The following TP53BP1 variants were observed in gnomAD, a reference collection of about 807,000 sequenced individuals.
TP53BP1 encodes tumor protein p53 binding protein 1.
In TP53BP1, 61 loss-of-function variants were observed where a neutral mutation model predicts 200.8. The observed-to-expected ratio is 0.30, with a 90% CI of 0.25 to 0.38. TP53BP1 has a LOEUF of 0.38. TP53BP1 is among the 10% of genes least tolerant of loss of function. The pLI, the probability that TP53BP1 is intolerant of heterozygous loss-of-function variation, is 1.00. For synonymous variants in TP53BP1, 822 were observed against 844.3 expected (o/e 0.97, Z 0.46); for missense variants, 2,144 against 2,371.9 (o/e 0.90, Z 2.00).
rs1412434738 is a variant in TP53BP1 at position 43,457,228 on chromosome 15, A to G, written c.1390-10T>C. 6.4e-7 allele frequency: 1 copy of G among 1,573,034 alleles called. No homozygotes were observed. Among genetic ancestry groups the G allele is most frequent in the Non-Finnish European group, 8.6e-7 (1 of 1,162,712 alleles). On this transcript the variant is annotated splice_polypyrimidine_tract_variant and intron_variant, in intron 11 of 27. Transcript: ENST00000382044. Reference sequence around the variant, plus strand: ...AAGGAATAAAAATGTCCTAAGGAAGAACAGAAAGAGACAAATTGTAATTTG... The same window carrying G: ...AAGGAATAAAAATGTCCTAAGGAAGGACAGAAAGAGACAAATTGTAATTTG...
chr15:43,473,342 T>C (rs1450567547), intron 10 of TP53BP1, among the ~76,000 whole-genome samples: 1 of 152,174 alleles, frequency 6.6e-6, no homozygotes, highest in Non-Finnish European at 1.5e-5. Flanking sequence ...GAGCCAGTGG[T>C]CTGTGCTGAC....
At chr15:43,473,793 C>T (rs1017785364) in intron 10 of TP53BP1, among the ~76,000 whole-genome samples, 1 of 152,272 alleles carries the variant, frequency 6.6e-6, no homozygotes, top group Non-Finnish European at 1.5e-5. Context: ...CCAGACTCAG[C>T]AGCCCAGCTG....
chr15:43,474,775 TAA>T lies in TP53BP1; in HGVS notation c.1086-10_1086-9del. 6.3e-7 allele frequency: 1 copy of T among 1,584,528 alleles called. No individual in the cohort carries two copies. The highest frequency in any genetic ancestry group is 8.7e-7 in the Non-Finnish European group (1 of 1,154,034). On this transcript the variant is annotated splice_polypyrimidine_tract_variant and intron_variant, in intron 9 of 27. Transcript: ENST00000382044. Reference sequence around the variant, plus strand: ...ACAAGATCTGAAGAATTCCTTTATATAAAGAGAGAATCACAGGTTATTTTACC... The same window carrying T: ...ACAAGATCTGAAGAATTCCTTTATATAGAGAGAATCACAGGTTATTTTACC...
At chr15:43,412,351 T>C (rs1159415262) in intron 24 of TP53BP1, among the ~76,000 whole-genome samples, 1 of 152,220 alleles carries the variant, frequency 6.6e-6, no homozygotes, top group East Asian at 1.9e-4. Context: ...GTCAGAACTC[T>C]AACTTGTACA....
chr15:43,506,309 T>C (rs1445803674), intron 1 of TP53BP1, among the ~76,000 whole-genome samples: 1 of 152,240 alleles, frequency 6.6e-6, no homozygotes, highest in Non-Finnish European at 1.5e-5. Context: ...GAGATGCCCT[T>C]CCCACTTTGT....
chr15:43,487,020 A>G (rs1227445206), intron 4 of TP53BP1, among the ~76,000 whole-genome samples: 1 of 152,220 alleles, frequency 6.6e-6, no homozygotes, highest in African/African-American at 2.4e-5. Context: ...GAAAAACCCT[A>G]TGAAGAGAAA....
At chr15:43,450,137 A>C (rs1480705631) in intron 12 of TP53BP1, among the ~76,000 whole-genome samples, 2 of 152,254 alleles carry the variant, frequency 1.3e-5, no homozygotes, top group Non-Finnish European at 2.9e-5. Context: ...ATAATGAAGG[A>C]TATGAATGAG....
intron 12 of TP53BP1, among the ~76,000 whole-genome samples, chr15:43,449,921 A>G (rs570602261): frequency 6.6e-6 from 1 of 152,344 alleles, no homozygotes; most frequent in South Asian, 2.1e-4. Context: ...CCTCATCTGG[A>G]AAACACCACA....
chr15:43,479,584 C>A, intron 6 of TP53BP1, 58 bp from the exon 7 acceptor site: 1 of 1,543,368 alleles, frequency 6.5e-7, no homozygotes. Context: ...ATACTAGATA[C>A]AGTCCCAGAT....
At chr15:43,418,675 AC>A (rs2045324406) in intron 21 of TP53BP1, among the ~76,000 whole-genome samples, 1 of 152,188 alleles carries the variant, frequency 6.6e-6, no homozygotes, top group Non-Finnish European at 1.5e-5. Context: ...AGCACATGAA[AC>A]AATAACAACA....
chr15:43,431,881 G>A (rs1270715990), intron 17 of TP53BP1, among the ~76,000 whole-genome samples: 1 of 152,184 alleles, frequency 6.6e-6, no homozygotes, highest in Non-Finnish European at 1.5e-5. Flanking sequence ...AAAAAGTATG[G>A]AGAAGGAAAA....
At chr15:43,480,317 G>A (rs45604931) in intron 5 of TP53BP1, among the ~76,000 whole-genome samples, 103 of 152,102 alleles carry the variant, frequency 6.8e-4, no homozygotes, top group Admixed American at 8.5e-4. Context: ...GTGTGGTGGC[G>A]CACACATGTA....
rs2044912161 is a variant in TP53BP1 at position 43,406,892 on chromosome 15, TCTCAG to T, written c.*486_*490del. ...GGGAGTACCCACAGGTGAGCTGTGA[TCTCAG>T]CTCAGAGAGAGAGCATGAGGTCTTT... On this transcript the variant is annotated 3_prime_UTR_variant, in exon 28 of 28. Coordinates refer to ENST00000382044, the MANE Select transcript of TP53BP1 (RefSeq NM_001141980.3). 3.7e-6 allele frequency: 1 copy of T among 270,842 alleles called. No homozygotes were observed. Among genetic ancestry groups the T allele is most frequent in the Non-Finnish European group, 7.3e-6 (1 of 137,884 alleles). The allele number at this position is 270,842 out of a possible 1,614,324, so 16.8% of individuals were successfully genotyped here. A position where few individuals can be genotyped will look rare whatever the true frequency, so the allele number is the denominator to read the frequency against.
intron 1 of TP53BP1, among the ~76,000 whole-genome samples, chr15:43,502,530 C>CT (rs1662037432): frequency 1.3e-5 from 2 of 151,748 alleles, no homozygotes; most frequent in African/African-American, 4.8e-5. Flanking sequence ...TCTTGGCTCA[C>CT]TGCAAGCTCC....
rs1472655205 is a variant in TP53BP1, at chr15:43,404,153, A to G, written c.*3230T>C. Reference sequence around the variant, plus strand: ...ATCAAAACGGGTTCTCCCCAACCCCAGTACTTGACAAAATACATTAACTGG... The same window carrying G: ...ATCAAAACGGGTTCTCCCCAACCCCGGTACTTGACAAAATACATTAACTGG... On this transcript the variant is annotated 3_prime_UTR_variant, in exon 28 of 28. Coordinates refer to ENST00000382044, the MANE Select transcript of TP53BP1 (RefSeq NM_001141980.3). 1 of 537,130 alleles carries G rather than the reference A, an allele frequency of 1.9e-6. No individual in the cohort carries two copies. The highest frequency in any genetic ancestry group is 1.9e-5 in the African/African-American group (1 of 53,000). The allele number at this position is 537,130 out of a possible 1,614,324, so 33.3% of individuals were successfully genotyped here. A position where few individuals can be genotyped will look rare whatever the true frequency, so the allele number is the denominator to read the frequency against.
chr15:43,407,632 G>A (rs1342676326), intron 27 of TP53BP1, 62 bp from the exon 28 acceptor site: 3 of 1,484,206 alleles, frequency 2.0e-6, no homozygotes, highest in Non-Finnish European at 1.8e-6. Flanking sequence ...CCATTAGAAA[G>A]AGAGATTTGA....
chr15:43,456,411 G>T lies in TP53BP1; in HGVS notation c.2197C>A (p.Pro733Thr), dbSNP rs753598838. ...VETSVISIDS[P>T]QKLAILDQEL... ...TGGTCAAGTATTGCCAACTTTTGAG[G>T]GGAATCAATACTAATCACACTGGTT... Residue 733 changes from proline to threonine, a missense_variant, in exon 12 of 28, where the codon CCT (proline) becomes ACT (threonine). Transcript: ENST00000382044. 1.0e-5 allele frequency: 16 copies of T among 1,596,020 alleles called. No homozygotes were observed. Among genetic ancestry groups the T allele is most frequent in the Non-Finnish European group, 1.3e-5 (15 of 1,173,844 alleles).
At position 43,407,945 on chromosome 15, in the gene TP53BP1, T is replaced by C. The variant is rs2044970371; in HGVS notation, c.5744A>G (p.Lys1915Arg). ...VKQHHSSAHN[K>R]DIALGVFDVV... ...ACTACACACACTCTTTCAGGTACCT[T>C]TGTTATGGGCACTTGAATGGTGCTG... The change falls in exon 27 of 28, where the codon AAA (lysine) becomes AGA (arginine). Residue 1915 changes from lysine to arginine, a missense_variant and splice_region_variant. Around this residue, in one of 4 missense-constraint regions of TP53BP1, gnomAD observed 334 missense variants for 453.4 expected, o/e 0.74. Coordinates refer to ENST00000382044, the MANE Select transcript of TP53BP1 (RefSeq NM_001141980.3). 1 of 1,611,556 alleles carries C rather than the reference T, an allele frequency of 6.2e-7. No homozygotes were observed. Among genetic ancestry groups the C allele is most frequent in the South Asian group, 1.1e-5 (1 of 90,924 alleles).
At chr15:43,442,006 T>C (rs780555824) in intron 14 of TP53BP1, among the ~76,000 whole-genome samples, 5 of 151,938 alleles carry the variant, frequency 3.3e-5, no homozygotes, top group African/African-American at 4.8e-5. Flanking sequence ...CCAGATTTCT[T>C]GTTTTTTGTT....
Sources: allele counts gnomAD v4.1 joint callset (sites outside exome capture counted in the v4.1 genomes callset), GRCh38; gene constraint gnomAD v4.1.1; regional missense constraint gnomAD v4.1.1; transcripts MANE v1.5; gene names NCBI Gene and HGNC (gene_info 2026-07-23, HGNC 2026-07-21).